CD2AP: variants seen among roughly 807,000 people sequenced by gnomAD.
The protein encoded by CD2AP is CD2-associated protein.
CD2AP carries 46 observed loss-of-function variants against 85.1 expected under a neutral mutation model. The ratio of observed to expected loss-of-function variants is 0.54; its 90% confidence interval spans 0.43 to 0.69. CD2AP has a LOEUF of 0.69. CD2AP is among the 30% of genes least tolerant of loss of function. CD2AP has a pLI of 0.00. For missense variants in CD2AP, 769 were observed against 729.5 expected (o/e 1.05, Z -0.62); for synonymous variants, 255 against 252.9 (o/e 1.01, Z -0.08).
Position 47,554,280 on chromosome 6 carries a change from A to G in CD2AP, c.421-366A>G, listed in dbSNP as rs1316546956. Among the ~76,000 whole-genome samples, 2 of 152,172 alleles carry G rather than the reference A, an allele frequency of 1.3e-5. 1 individual carries two copies. The highest frequency in any genetic ancestry group is 2.9e-5 in the Non-Finnish European group (2 of 68,026). On this transcript the variant is annotated intron_variant, in intron 4 of 17. Coordinates refer to ENST00000359314, the MANE Select transcript of CD2AP (RefSeq NM_012120.3). ...AATTTCCAAATACTTTAAATAATAT[A>G]CAAATCAAGCCTTAGTAGTGTTTAC...
chr6:47,547,784 A>G lies in CD2AP; in HGVS notation c.420+3078A>G, dbSNP rs187050574. ...AGACCATATGATAGGCCACAAAGTG[A>G]ACCTCAGTAAATTTAAGAAAATTGA... On this transcript the variant is annotated intron_variant, in intron 4 of 17. Transcript: ENST00000359314. 6.6e-5 allele frequency among the ~76,000 whole-genome samples: 10 copies of G among 152,250 alleles called. No homozygotes were observed. The East Asian group carries it at 1.9e-3, about 29-fold the overall frequency.
chr6:47,504,908 G>A (rs144866214), intron 2 of CD2AP, among the ~76,000 whole-genome samples: 1 of 151,768 alleles, frequency 6.6e-6, no homozygotes, highest in African/African-American at 2.4e-5. Context: ...GATCATCTGA[G>A]CCTTCAGTGA....
chr6:47,540,589 C>T (rs1297339141), intron 3 of CD2AP, among the ~76,000 whole-genome samples: 2 of 151,236 alleles, frequency 1.3e-5, no homozygotes, highest in African/African-American at 4.9e-5. Flanking sequence ...GCAAATGATT[C>T]TGTTAATACA....
intron 11 of CD2AP, among the ~76,000 whole-genome samples, chr6:47,584,193 T>C (rs1246516318): frequency 6.6e-6 from 1 of 152,224 alleles, no homozygotes; most frequent in African/African-American, 2.4e-5. Flanking sequence ...CTGACTTGTT[T>C]TCTTCACAGA....
intron 12 of CD2AP, among the ~76,000 whole-genome samples, chr6:47,596,462 C>G (rs1463219550): frequency 6.6e-6 from 1 of 152,078 alleles, no homozygotes; most frequent in Non-Finnish European, 1.5e-5. Flanking sequence ...CCATTCTACT[C>G]TATTTCTATG....
chr6:47,478,724 C>CT (rs931542976), intron 1 of CD2AP, among the ~76,000 whole-genome samples: 42 of 148,566 alleles, frequency 2.8e-4, no homozygotes, highest in Middle Eastern at 3.5e-3. Context: ...TGTTCAAAAA[C>CT]TTTTTTTTTT....
intron 5 of CD2AP, among the ~76,000 whole-genome samples, chr6:47,566,391 T>C (rs190028500): frequency 9.3e-5 from 14 of 151,220 alleles, no homozygotes; most frequent in Non-Finnish European, 1.9e-4. Flanking sequence ...GTCTCTGATA[T>C]GTTGATGCTC....
At chr6:47,528,380 C>T (rs965939468) in intron 2 of CD2AP, among the ~76,000 whole-genome samples, 2 of 152,010 alleles carry the variant, frequency 1.3e-5, no homozygotes, top group African/African-American at 2.4e-5. Flanking sequence ...TTGTCATGTT[C>T]GCCAGGCTTG....
intron 13 of CD2AP, among the ~76,000 whole-genome samples, chr6:47,605,649 A>C (rs1405302429): frequency 1.3e-5 from 2 of 152,102 alleles, no homozygotes; most frequent in African/African-American, 4.8e-5. Context: ...AAGGTACATT[A>C]AATCATGCTT....
rs756196985 is a variant in CD2AP at position 47,599,308 on chromosome 6, G to A, written c.1282G>A (p.Gly428Arg). ...PPPPPIAKIN[G>R]EVSSISSKFE... The stretch of plus-strand genomic sequence containing the variant: ...GTTTTTTTCTTATTTCAGGATTAAT[G>A]GGGAAGTTTCTAGCATTTCATCAAA... The change falls in exon 13 of 18, where the codon GGG (glycine) becomes AGG (arginine). Residue 428 changes from glycine (G) to arginine (R), a missense_variant. Physicochemically the swap from Gly to Arg is moderately radical, Grantham distance 125. Coordinates refer to ENST00000359314, the MANE Select transcript of CD2AP (RefSeq NM_012120.3). 1 of 1,611,484 alleles carries A rather than the reference G, an allele frequency of 6.2e-7. No homozygotes were observed. The highest frequency in any genetic ancestry group is 8.5e-7 in the Non-Finnish European group (1 of 1,178,474).
chr6:47,559,257 A>ATTT (rs76704002), intron 5 of CD2AP, among the ~76,000 whole-genome samples: 8 of 130,632 alleles, frequency 6.1e-5, no homozygotes, highest in African/African-American at 2.0e-4. Context: ...GTTTCGTGCA[A>ATTT]TTTTTTTTTT....
chr6:47,533,881 C>A (rs1766957871), intron 3 of CD2AP, 126 bp downstream of exon 3: 4 of 900,540 alleles, frequency 4.4e-6, no homozygotes, highest in Non-Finnish European at 6.8e-6. Flanking sequence ...TGCAAAGTCT[C>A]ATGTTACTAG....
At chr6:47,594,735 G>A (rs1768893852) in intron 11 of CD2AP, among the ~76,000 whole-genome samples, 1 of 151,904 alleles carries the variant, frequency 6.6e-6, no homozygotes, top group South Asian at 2.1e-4. Context: ...TGTACCAAAT[G>A]ATGACCAGAA....
chr6:47,571,679 G>A (rs1318279018), intron 5 of CD2AP, among the ~76,000 whole-genome samples: 1 of 152,136 alleles, frequency 6.6e-6, no homozygotes. Context: ...CTGAACATGA[G>A]CAGCTTGTGA....
chr6:47,524,389 G>GT (rs1439704076), intron 2 of CD2AP, among the ~76,000 whole-genome samples: 7 of 152,156 alleles, frequency 4.6e-5, no homozygotes, highest in Middle Eastern at 3.4e-3. Flanking sequence ...TAAGCCTCAT[G>GT]TTTTTTCCGT....
chr6:47,536,382 ATAAGGT>A (rs1478759302), intron 3 of CD2AP, among the ~76,000 whole-genome samples: 1 of 152,212 alleles, frequency 6.6e-6, no homozygotes. Context: ...TTGTATTAAC[ATAAGGT>A]TAATAGTGTA....
chr6:47,478,348 C>G lies in CD2AP; in HGVS notation c.4+100C>G. ...TCTGGGGAGGCGACTGCGGTCAGCC[C>G]CTGAGCGGCAGCACCCCACCCTCTC... On this transcript the variant is annotated intron_variant, in intron 1 of 17. Coordinates refer to ENST00000359314, the MANE Select transcript of CD2AP (RefSeq NM_012120.3). 4.3e-6 allele frequency: 6 copies of G among 1,389,786 alleles called. No individual in the cohort carries two copies. The South Asian group carries it at 7.4e-5, about 17-fold the overall frequency. The allele number at this position is 1,389,786 out of a possible 1,614,324, so 86.1% of individuals were successfully genotyped here.
intron 5 of CD2AP, among the ~76,000 whole-genome samples, chr6:47,561,028 C>G (rs9381575): frequency 0.26 from 40,184 of 152,100 alleles, 5,475 homozygotes; most frequent in African/African-American, 0.31. Flanking sequence ...CTGTTTTATT[C>G]ATCAGGTATC....
At chr6:47,608,104 T>G (rs1769324216) in intron 15 of CD2AP, 76 bp downstream of exon 15, 1 of 1,016,616 alleles carries the variant, frequency 9.8e-7, no homozygotes, top group Admixed American at 1.8e-5. Context: ...GAATTTAAGG[T>G]GTTCTTTAGG....
Sources: gnomAD v4.1 joint callset for allele counts (sites outside exome capture counted in the v4.1 genomes callset) on GRCh38, gnomAD v4.1.1 for gene constraint, MANE v1.5 for transcripts, NCBI Gene and HGNC (gene_info 2026-07-23, HGNC 2026-07-21) for gene names.